The following MARCHF1 variants were observed in gnomAD, a reference collection of about 807,000 sequenced individuals.
MARCHF1 encodes the protein E3 ubiquitin-protein ligase MARCHF1.
In MARCHF1, 40 loss-of-function variants were observed where a neutral mutation model predicts 54.2. That is an observed-to-expected ratio of 0.74 (90% CI 0.57 to 0.96). MARCHF1 has a LOEUF of 0.96. MARCHF1 is among the 40% of genes least tolerant of loss of function. The probability of loss-of-function intolerance (pLI) is 0.00; values close to 1 mark genes in which losing one functional copy is unlikely to be tolerated. For missense variants in MARCHF1, 586 were observed against 656.5 expected, an observed-to-expected ratio of 0.89 and a Z score of 1.17; for synonymous variants, 236 against 236.3, an observed-to-expected ratio of 1.00 and a Z score of 0.01.
chr4:164,040,283 G>T (rs1754097794), intron 2 of MARCHF1, among the ~76,000 whole-genome samples: 1 of 140,108 alleles, frequency 7.1e-6, no homozygotes. Context: ...TGTGTATATA[G>T]ACACAAGTAT....
intron 4 of MARCHF1, among the ~76,000 whole-genome samples, chr4:163,796,221 G>GTTTTTTTTT (rs36039503): frequency 1.2e-5 from 1 of 82,238 alleles, no homozygotes; most frequent in Non-Finnish European, 2.5e-5. Flanking sequence ...GAAACTTCTA[G>GTTTTTTTTT]TTTTTTTTTT....
chr4:163,841,555 C>A (rs552529313), intron 4 of MARCHF1, among the ~76,000 whole-genome samples: 54 of 151,878 alleles, frequency 3.6e-4, no homozygotes, highest in Non-Finnish European at 7.1e-4. Context: ...TACAGTTATG[C>A]ATATAGTTGC....
At chr4:163,534,506 G>C (rs1417260622) in intron 9 of MARCHF1, among the ~76,000 whole-genome samples, 1 of 151,962 alleles carries the variant, frequency 6.6e-6, no homozygotes, top group African/African-American at 2.4e-5. Flanking sequence ...CCCTACCCAA[G>C]TCGCTATTTA....
intron 9 of MARCHF1, among the ~76,000 whole-genome samples, chr4:163,538,759 G>T (rs964422744): frequency 1.4e-5 from 2 of 142,776 alleles, no homozygotes; most frequent in African/African-American, 4.9e-5. Flanking sequence ...TCATTTCCTT[G>T]AGATATTAAG....
intron 4 of MARCHF1, among the ~76,000 whole-genome samples, chr4:163,720,220 G>T (rs960173080): frequency 6.6e-6 from 1 of 152,182 alleles, no homozygotes; most frequent in African/African-American, 2.4e-5. Context: ...CGTAAGGAAG[G>T]GATCCAGTTT....
At position 163,612,573 on chromosome 4, in the gene MARCHF1, T is replaced by C; in HGVS notation, c.708A>G (p.Lys236=). ...ESCSLNLHRG[K]HTRYQECNPS... The stretch of plus-strand genomic sequence containing the variant: ...GGTTGCATTCTTGGTACCTTGTATG[T>C]TTTCCTCTGTGGAGATTTAAAGAGC... The change falls in exon 7 of 10, where the codon AAA becomes AAG. Residue 236 remains lysine (K), a synonymous_variant. Coordinates refer to ENST00000514618, the MANE Select transcript of MARCHF1 (RefSeq NM_001394959.1). 2.0e-6 allele frequency: 3 copies of C among 1,535,602 alleles called. No homozygotes were observed. The highest frequency in any genetic ancestry group is 2.6e-6 in the Non-Finnish European group (3 of 1,146,544).
At chr4:163,625,153 C>T (rs1579124563) in intron 5 of MARCHF1, among the ~76,000 whole-genome samples, 2 of 152,254 alleles carry the variant, frequency 1.3e-5, no homozygotes, top group South Asian at 2.1e-4. Flanking sequence ...TATGCCTTTA[C>T]TCTATAGACA....
intron 3 of MARCHF1, among the ~76,000 whole-genome samples, chr4:163,929,786 A>G (rs1751615076): frequency 6.6e-6 from 1 of 150,430 alleles, no homozygotes; most frequent in South Asian, 2.1e-4. Context: ...GCAGGGCAGG[A>G]CTAGATCCCA....
chr4:164,074,090 T>C (rs1455883936), intron 2 of MARCHF1, among the ~76,000 whole-genome samples: 1 of 152,182 alleles, frequency 6.6e-6, no homozygotes. Flanking sequence ...ATTGTTTTGC[T>C]AGGAACTTTC....
At chr4:163,626,542 C>T (rs73868769) in intron 5 of MARCHF1, among the ~76,000 whole-genome samples, 1 of 152,302 alleles carries the variant, frequency 6.6e-6, no homozygotes, top group African/African-American at 2.4e-5. Flanking sequence ...GGAAATACTG[C>T]TGCAGAAGAT....
At chr4:163,782,182 C>A (rs112736583) in intron 4 of MARCHF1, among the ~76,000 whole-genome samples, 234 of 138,086 alleles carry the variant, frequency 1.7e-3, no homozygotes, top group African/African-American at 5.6e-3. Flanking sequence ...GTATTATACC[C>A]ATCCTTGAAG....
intron 4 of MARCHF1, among the ~76,000 whole-genome samples, chr4:163,785,769 A>C (rs1435843742): frequency 6.6e-6 from 1 of 152,066 alleles, no homozygotes; most frequent in African/African-American, 2.4e-5. Flanking sequence ...GATAATGGCC[A>C]CCTAGAAAAT....
At chr4:163,746,793 C>T (rs1185949246) in intron 4 of MARCHF1, among the ~76,000 whole-genome samples, 2 of 152,106 alleles carry the variant, frequency 1.3e-5, no homozygotes, top group Admixed American at 6.5e-5. Context: ...ACATCTGTAT[C>T]GTGCTACCCA....
At chr4:164,096,634 A>C (rs1755419854) in intron 2 of MARCHF1, among the ~76,000 whole-genome samples, 1 of 152,134 alleles carries the variant, frequency 6.6e-6, no homozygotes, top group South Asian at 2.1e-4. Flanking sequence ...TGTAAGAGCA[A>C]ATAAGGTGAA....
At chr4:164,005,406 A>G (rs1011591401) in intron 2 of MARCHF1, among the ~76,000 whole-genome samples, 6 of 152,150 alleles carry the variant, frequency 3.9e-5, no homozygotes, top group Non-Finnish European at 7.4e-5. Flanking sequence ...AAACAAATAT[A>G]CAGCACCAGG....
At chr4:164,348,264 A>T (rs1303188330) in intron 1 of MARCHF1, among the ~76,000 whole-genome samples, 1 of 152,160 alleles carries the variant, frequency 6.6e-6, no homozygotes, top group Non-Finnish European at 1.5e-5. Flanking sequence ...GCCAATATTG[A>T]TTTATAAACT....
At chr4:164,164,546 T>G (rs17476002) in intron 1 of MARCHF1, among the ~76,000 whole-genome samples, 28,088 of 152,054 alleles carry the variant, frequency 0.18, 3,171 homozygotes, top group Non-Finnish European at 0.26. Flanking sequence ...ATGATATAAA[T>G]AAGTTAGCTA....
intron 5 of MARCHF1, among the ~76,000 whole-genome samples, chr4:163,669,301 T>C (rs1743646902): frequency 6.6e-6 from 1 of 152,154 alleles, no homozygotes; most frequent in Admixed American, 6.6e-5. Context: ...AAAGTGAGAA[T>C]TTAGGCTTGC....
At position 163,920,302 on chromosome 4, in the gene MARCHF1, T is replaced by A. The variant is rs560418871; in HGVS notation, c.-38-66133A>T. Among the ~76,000 whole-genome samples the A allele has an allele frequency of 5.9e-5, 9 of 152,336 alleles. No homozygotes were observed. The East Asian group carries it at 1.5e-3, about 26-fold the overall frequency. On this transcript the variant is annotated intron_variant, in intron 3 of 9. Coordinates refer to ENST00000514618, the MANE Select transcript of MARCHF1 (RefSeq NM_001394959.1). Reference sequence around the variant, plus strand: ...TATTGTTAATGTGTAAGAACCCAGATAACCATGAAATTGTTCACCTTCTTG... The same window carrying A: ...TATTGTTAATGTGTAAGAACCCAGAAAACCATGAAATTGTTCACCTTCTTG...
Sources: gnomAD v4.1 joint callset for allele counts (sites outside exome capture counted in the v4.1 genomes callset) on GRCh38, gnomAD v4.1.1 for gene constraint, MANE v1.5 for transcripts, NCBI Gene and HGNC (gene_info 2026-07-23, HGNC 2026-07-21) for gene names.